IQSEC3: variants seen among roughly 807,000 people sequenced by gnomAD.
The protein encoded by IQSEC3 is IQ motif and SEC7 domain-containing protein 3.
In IQSEC3, 50 loss-of-function variants were observed where a neutral mutation model predicts 105.4. The observed-to-expected ratio is 0.47, with a 90% CI of 0.38 to 0.60. IQSEC3 has a LOEUF of 0.60. Ranked by LOEUF, IQSEC3 falls within the 20% of genes least tolerant of loss-of-function variation. The pLI, the probability that IQSEC3 is intolerant of heterozygous loss-of-function variation, is 0.00. For synonymous variants in IQSEC3, 708 were observed against 746.0 expected, an observed-to-expected ratio of 0.95 and a Z score of 0.83; for missense variants, 1,415 against 1,630.0, an observed-to-expected ratio of 0.87 and a Z score of 2.27.
intron 3 of IQSEC3, among the ~76,000 whole-genome samples, chr12:128,513 G>A (rs973807248): frequency 4.0e-5 from 6 of 148,490 alleles, no homozygotes; most frequent in African/African-American, 1.5e-4. Context: ...CCATGGCCTG[G>A]GAGGGGTGTT....
chr12:139,111 TG>T lies in IQSEC3; in HGVS notation c.1752del (p.Arg585GlufsTer13). The T allele has an allele frequency of 6.7e-7, 1 of 1,495,400 alleles. No homozygotes were observed. The highest frequency in any genetic ancestry group is 8.9e-7 in the Non-Finnish European group (1 of 1,120,452). The allele number at this position is 1,495,400 out of a possible 1,614,324, so 92.6% of individuals were successfully genotyped here. A position where few individuals can be genotyped will look rare whatever the true frequency, so the allele number is the denominator to read the frequency against. On this transcript the variant is annotated frameshift_variant, in exon 4 of 14. Coordinates refer to ENST00000538872, the MANE Select transcript of IQSEC3 (RefSeq NM_001170738.2). LOFTEE classifies it high-confidence loss of function. ...EEEEEEETAEVGRGAEAEAGD... is the reference protein window; with the variant it reads ...EEEEEEETAEXGRGAEAEAGD... ...GAGGAGGAGGAGGAGACGGCGGAGGTGGGGAGAGGGGCCGAGGCCGAGGCAG... is the reference window on the plus strand; with the variant it reads ...GAGGAGGAGGAGGAGACGGCGGAGGTGGGAGAGGGGCCGAGGCCGAGGCAG...
chr12:135,828 C>T (rs981808773), intron 3 of IQSEC3, among the ~76,000 whole-genome samples: 7 of 152,170 alleles, frequency 4.6e-5, no homozygotes, highest in African/African-American at 1.2e-4. Context: ...CCAACAAGAG[C>T]GAGCTCAAAG....
At chr12:121,643 A>C (rs533040382) in intron 2 of IQSEC3, among the ~76,000 whole-genome samples, 8 of 152,274 alleles carry the variant, frequency 5.3e-5, no homozygotes, top group African/African-American at 1.9e-4. Flanking sequence ...GGCCATGGGG[A>C]ATAGTGGGAA....
rs1332180424 is a variant in IQSEC3, at chr12:163,150, C to T, written c.2584-344C>T. On this transcript the variant is annotated intron_variant, in intron 8 of 13. Transcript: ENST00000538872. ...GGACAGAACCGGAGCCCCTCCCCTCCCTCTCCACAAAACCGAACCCCTCCC... is the reference window on the plus strand; with the variant it reads ...GGACAGAACCGGAGCCCCTCCCCTCTCTCTCCACAAAACCGAACCCCTCCC... Among the ~76,000 whole-genome samples, 29 of 140,826 alleles carry T rather than the reference C, an allele frequency of 2.1e-4. 1 individual carries two copies. Among genetic ancestry groups the T allele is most frequent in the South Asian group, 4.8e-4 (2 of 4,156 alleles). The allele number at this position is 140,826 out of a possible 152,430, so 92.4% of individuals were successfully genotyped here.
intron 1 of IQSEC3, among the ~76,000 whole-genome samples, chr12:93,295 C>G (rs571713171): frequency 6.6e-5 from 10 of 152,204 alleles, no homozygotes; most frequent in Non-Finnish European, 1.0e-4. Context: ...AAGCCTTACT[C>G]TGGGGTCTGT....
At chr12:113,060 G>A (rs1372332439) in intron 2 of IQSEC3, among the ~76,000 whole-genome samples, 1 of 152,104 alleles carries the variant, frequency 6.6e-6, no homozygotes, top group African/African-American at 2.4e-5. Context: ...CTGGACACTG[G>A]GAAGTGCCCC....
At chr12:123,546 A>G (rs567993103) in intron 2 of IQSEC3, among the ~76,000 whole-genome samples, 4 of 152,388 alleles carry the variant, frequency 2.6e-5, no homozygotes, top group African/African-American at 9.6e-5. Flanking sequence ...GGCAGCAGCA[A>G]TGAAGATTTT....
chr12:149,073 T>C (rs1015800916), intron 5 of IQSEC3: 6 of 152,250 alleles, frequency 3.9e-5, no homozygotes, highest in Non-Finnish European at 7.3e-5. Flanking sequence ...TTATGCAAGA[T>C]TGTACCTGTT....
At chr12:173,324 C>T (rs1030657201) in intron 13 of IQSEC3, among the ~76,000 whole-genome samples, 3 of 152,164 alleles carry the variant, frequency 2.0e-5, no homozygotes, top group East Asian at 1.9e-4. Context: ...CGTGACATGC[C>T]GAGTGTGGCA....
chr12:114,065 T>C (rs1367661740), intron 2 of IQSEC3, among the ~76,000 whole-genome samples: 4 of 152,206 alleles, frequency 2.6e-5, no homozygotes, highest in Admixed American at 6.5e-5. Context: ...AAAAGGAGCA[T>C]AGCACTTAAC....
chr12:102,100 T>C (rs1295844205), intron 2 of IQSEC3, among the ~76,000 whole-genome samples: 4 of 143,800 alleles, frequency 2.8e-5, no homozygotes, highest in Non-Finnish European at 6.0e-5. Flanking sequence ...TCAGTCTGGC[T>C]CCTCCCCCAT....
intron 3 of IQSEC3, among the ~76,000 whole-genome samples, chr12:137,026 C>G (rs1263341174): frequency 6.6e-6 from 1 of 152,124 alleles, no homozygotes; most frequent in Non-Finnish European, 1.5e-5. Flanking sequence ...AGGTGAGGTG[C>G]CATGCCCCCG....
At chr12:79,095 G>T (rs1343636966) in intron 1 of IQSEC3, among the ~76,000 whole-genome samples, 2 of 152,110 alleles carry the variant, frequency 1.3e-5, no homozygotes, top group African/African-American at 4.8e-5. Flanking sequence ...GGCACTTCCT[G>T]CTCCTCATGG....
At chr12:165,977 A>G in intron 11 of IQSEC3, 87 bp downstream of exon 11, 1 of 1,487,060 alleles carries the variant, frequency 6.7e-7, no homozygotes, top group East Asian at 2.4e-5. Context: ...GCCTGACTCC[A>G]GGGAGCTGGC....
chr12:130,411 A>G (rs1254829930), intron 3 of IQSEC3, among the ~76,000 whole-genome samples: 2 of 152,234 alleles, frequency 1.3e-5, no homozygotes, highest in African/African-American at 4.8e-5. Flanking sequence ...CCAAGGACAC[A>G]GTCCTAGGAA....
rs1028500754 is a variant in IQSEC3, at chr12:175,248, C to G, written c.*215C>G. 4 of 534,194 alleles carry G rather than the reference C, an allele frequency of 7.5e-6. No individual in the cohort carries two copies. The highest frequency in any genetic ancestry group is 1.3e-5 in the Non-Finnish European group (4 of 303,558). The allele number at this position is 534,194 out of a possible 1,614,324, so 33.1% of individuals were successfully genotyped here. ...CCCCTCTGCAGATCTGAAGACACAC[C>G]TCACTCTCCCAGGGCCCTACACAGC... On this transcript the variant is annotated 3_prime_UTR_variant, in exon 14 of 14. Transcript: ENST00000538872.
At chr12:95,689 C>T (rs1864222862) in intron 1 of IQSEC3, among the ~76,000 whole-genome samples, 2 of 152,108 alleles carry the variant, frequency 1.3e-5, no homozygotes, top group African/African-American at 4.8e-5. Flanking sequence ...TGAGAGGAGT[C>T]ATTTTTTGTT....
intron 5 of IQSEC3, 40 bp downstream of exon 5, chr12:141,325 A>C (rs1555089206): frequency 6.3e-7 from 1 of 1,589,026 alleles, no homozygotes. Flanking sequence ...ACTCCTTCCC[A>C]CACCCCACCT....
chr12:140,893 C>A, intron 4 of IQSEC3: 1 of 490,716 alleles, frequency 2.0e-6, no homozygotes, highest in South Asian at 4.3e-5. Context: ...ACTTCTCCTC[C>A]ATCTGCTCTG....
Sources: allele counts gnomAD v4.1 joint callset (sites outside exome capture counted in the v4.1 genomes callset), GRCh38; gene constraint gnomAD v4.1.1; transcripts MANE v1.5; gene names NCBI Gene and HGNC (gene_info 2026-07-23, HGNC 2026-07-21).